The following LDB2 variants were observed in gnomAD, a reference collection of about 807,000 sequenced individuals.
The protein encoded by LDB2 is LIM domain binding 2, also known as LIM domain-binding protein 2.
A neutral mutation model predicts 44.3 loss-of-function variants in LDB2; 12 were observed. The ratio of observed to expected loss-of-function variants is 0.27; its 90% confidence interval spans 0.17 to 0.44. LDB2 has a LOEUF of 0.44. Among genes scored for constraint, LDB2 ranks in the 20% least tolerant of loss-of-function variants. The pLI is 1.00. For synonymous variants in LDB2, 164 were observed against 174.8 expected, an observed-to-expected ratio of 0.94 and a Z score of 0.49; for missense variants, 344 against 473.5, an observed-to-expected ratio of 0.73 and a Z score of 2.54.
intron 2 of LDB2, among the ~76,000 whole-genome samples, chr4:16,724,335 C>T (rs1336274164): frequency 6.6e-6 from 1 of 151,290 alleles, no homozygotes; most frequent in East Asian, 1.9e-4. Flanking sequence ...GTGTTGGATG[C>T]AGGGAGATTT....
At chr4:16,734,535 T>C (rs1240872599) in intron 2 of LDB2, among the ~76,000 whole-genome samples, 4 of 152,032 alleles carry the variant, frequency 2.6e-5, no homozygotes, top group Admixed American at 6.6e-5. Context: ...GATCCCTATT[T>C]CCTGGCTTTC....
At chr4:16,541,916 A>G (rs1733910094) in intron 5 of LDB2, among the ~76,000 whole-genome samples, 1 of 152,056 alleles carries the variant, frequency 6.6e-6, no homozygotes, top group African/African-American at 2.4e-5. Context: ...ATGAAAATGC[A>G]CCTAGTTAGG....
intron 1 of LDB2, among the ~76,000 whole-genome samples, chr4:16,853,076 T>G (rs955370667): frequency 1.4e-4 from 21 of 152,224 alleles, no homozygotes; most frequent in African/African-American, 4.6e-4. Flanking sequence ...TAATTCTTCC[T>G]ATTGAATAAG....
At chr4:16,666,602 T>C (rs1743292567) in intron 2 of LDB2, among the ~76,000 whole-genome samples, 1 of 152,248 alleles carries the variant, frequency 6.6e-6, no homozygotes, top group African/African-American at 2.4e-5. Flanking sequence ...TTCTACTGCA[T>C]GGATGTCCAT....
intron 1 of LDB2, among the ~76,000 whole-genome samples, chr4:16,774,289 C>T (rs572152994): frequency 6.6e-6 from 1 of 152,242 alleles, no homozygotes; most frequent in South Asian, 2.1e-4. Context: ...ATCCTAACGC[C>T]TCTCACACCT....
At chr4:16,866,704 C>T (rs1714819165) in intron 1 of LDB2, among the ~76,000 whole-genome samples, 1 of 152,168 alleles carries the variant, frequency 6.6e-6, no homozygotes, top group Non-Finnish European at 1.5e-5. Context: ...TGACATATTC[C>T]ACTGACATGT....
intron 2 of LDB2, among the ~76,000 whole-genome samples, chr4:16,597,301 T>C (rs1721249876): frequency 6.6e-6 from 1 of 152,180 alleles, no homozygotes; most frequent in African/African-American, 2.4e-5. Context: ...TCAACAAGTG[T>C]CTGCTAAATA....
intron 1 of LDB2, among the ~76,000 whole-genome samples, chr4:16,804,480 TTTA>T (rs1778425177): frequency 6.6e-6 from 1 of 152,224 alleles, no homozygotes. Context: ...TATATGCTAC[TTTA>T]TTGTGTTTGA....
rs78654667 is a variant in LDB2, at chr4:16,779,122, G to A, written c.133-19862C>T. On this transcript the variant is annotated intron_variant, in intron 1 of 7. Transcript: ENST00000304523. Reference sequence around the variant, plus strand: ...GACTTAGCCTGGCCATAAAGCTGTTGGGGGCACTGAGCTGGAGGGGAGCCT... The same window carrying A: ...GACTTAGCCTGGCCATAAAGCTGTTAGGGGCACTGAGCTGGAGGGGAGCCT... Among the ~76,000 whole-genome samples, 682 of 152,248 alleles carry A rather than the reference G, an allele frequency of 4.5e-3. 4 individuals carry two copies. Among genetic ancestry groups the A allele is most frequent in the African/African-American group, 0.016 (657 of 41,556 alleles).
chr4:16,717,187 A>G (rs2645257), intron 2 of LDB2, among the ~76,000 whole-genome samples: 51,527 of 146,390 alleles, frequency 0.35, 9,342 homozygotes, highest in Admixed American at 0.42. Flanking sequence ...TAATAATAAT[A>G]ATGATGATGA....
intron 2 of LDB2, among the ~76,000 whole-genome samples, chr4:16,608,369 T>C (rs1261527651): frequency 6.6e-6 from 1 of 152,146 alleles, no homozygotes; most frequent in Non-Finnish European, 1.5e-5. Context: ...CCTTGGATTG[T>C]CTACAAGAAA....
intron 1 of LDB2, among the ~76,000 whole-genome samples, chr4:16,850,668 A>C (rs1788040819): frequency 6.6e-6 from 1 of 152,174 alleles, no homozygotes; most frequent in African/African-American, 2.4e-5. Flanking sequence ...CCTTTTAACA[A>C]TATCTTCTTG....
intron 2 of LDB2, among the ~76,000 whole-genome samples, chr4:16,748,088 G>T (rs1365396813): frequency 6.6e-6 from 1 of 152,180 alleles, no homozygotes; most frequent in African/African-American, 2.4e-5. Context: ...GTGTAAGGGA[G>T]TAATGGTGCT....
intron 1 of LDB2, among the ~76,000 whole-genome samples, chr4:16,843,290 G>T (rs371436107): frequency 7.4e-4 from 113 of 152,018 alleles, no homozygotes; most frequent in Non-Finnish European, 7.5e-4. Context: ...AGCGTTTTCC[G>T]CATACTGGAT....
intron 1 of LDB2, among the ~76,000 whole-genome samples, chr4:16,813,876 T>C (rs2109884999): frequency 6.6e-6 from 1 of 150,516 alleles, no homozygotes; most frequent in South Asian, 2.2e-4. Flanking sequence ...TCTTTTCTTT[T>C]CTTTTTTTTT....
chr4:16,732,369 C>G (rs555581285), intron 2 of LDB2, among the ~76,000 whole-genome samples: 1 of 152,334 alleles, frequency 6.6e-6, no homozygotes, highest in African/African-American at 2.4e-5. Context: ...CCAAATGTTA[C>G]TTCATTAGTG....
At chr4:16,677,322 A>G (rs965142960) in intron 2 of LDB2, among the ~76,000 whole-genome samples, 1 of 152,260 alleles carries the variant, frequency 6.6e-6, no homozygotes, top group Non-Finnish European at 1.5e-5. Flanking sequence ...ACAAATAAGC[A>G]TATGTGCATA....
intron 2 of LDB2, among the ~76,000 whole-genome samples, chr4:16,657,264 T>C (rs1474051068): frequency 6.6e-6 from 1 of 152,230 alleles, no homozygotes; most frequent in Non-Finnish European, 1.5e-5. Flanking sequence ...GTTGGCATTA[T>C]CTATCTGCTG....
intron 7 of LDB2, chr4:16,505,702 C>T (rs1719133950): frequency 4.5e-6 from 3 of 673,528 alleles, no homozygotes; most frequent in East Asian, 3.0e-5. Context: ...GAGACAACAG[C>T]GAGCCATCTG....
Sources: gnomAD v4.1 joint callset for allele counts (sites outside exome capture counted in the v4.1 genomes callset) on GRCh38, gnomAD v4.1.1 for gene constraint, MANE v1.5 for transcripts, NCBI Gene and HGNC (gene_info 2026-07-23, HGNC 2026-07-21) for gene names.